The following ARHGAP35 variants were observed in gnomAD, a reference collection of about 807,000 sequenced individuals.
The protein encoded by ARHGAP35 is Rho GTPase activating protein 35.
In ARHGAP35, 15 loss-of-function variants were observed where a neutral mutation model predicts 111.1. The ratio of observed to expected loss-of-function variants is 0.13; its 90% CI spans 0.09 to 0.21. The LOEUF is 0.21. Among genes scored for constraint, ARHGAP35 ranks in the 10% least tolerant of loss-of-function variants. The pLI is 1.00. For missense variants in ARHGAP35, 1,262 were observed against 1,873.0 expected (o/e 0.67, Z 6.02); for synonymous variants, 643 against 710.3 (o/e 0.91, Z 1.51).
At chr19:46,865,071 T>G (rs761888941) in intron 1 of ARHGAP35, among the ~76,000 whole-genome samples, 2 of 152,236 alleles carry the variant, frequency 1.3e-5, no homozygotes, top group Non-Finnish European at 2.9e-5. Context: ...TTAAAGACTG[T>G]CAGATTTCTC....
Position 46,992,511 on chromosome 19 carries a change from G to A in ARHGAP35, c.4036+2836G>A, listed in dbSNP as rs117331528. ...TAGCCCACCCCCACCTTCAAGAGTC[G>A]CTCTTGCCTGGTTTCTCCCCGTCTC... On this transcript the variant is annotated intron_variant, in intron 5 of 6. Transcript: ENST00000672722. The surrounding 1 kb of genome is among the most constrained non-coding windows in gnomAD (Gnocchi z 4.4). Among the ~76,000 whole-genome samples the A allele has an allele frequency of 2.7e-3, 407 of 151,848 alleles. 3 individuals are homozygous for A. Among genetic ancestry groups the A allele is most frequent in the African/African-American group, 5.1e-3 (211 of 41,404 alleles).
At position 46,907,397 on chromosome 19, in the gene ARHGAP35, G is replaced by A. The variant is rs530920620; in HGVS notation, c.-188-11091G>A. 5.9e-5 allele frequency among the ~76,000 whole-genome samples: 9 copies of A among 151,916 alleles called. No homozygotes were observed. The South Asian group carries it at 8.3e-4, about 14-fold the overall frequency. ...GATCTCCTGACCTCGTGATCCGCCC[G>A]CCTCGGCCTCCCAGAGTGCTGGGAT... On this transcript the variant is annotated intron_variant, in intron 1 of 6. Transcript: ENST00000672722.
intron 1 of ARHGAP35, among the ~76,000 whole-genome samples, chr19:46,899,570 C>G (rs957811090): frequency 1.3e-5 from 2 of 151,980 alleles, no homozygotes; most frequent in African/African-American, 2.4e-5. Context: ...GTAGCACACC[C>G]ACACATCTAG....
chr19:47,001,784 G>A lies in ARHGAP35; in HGVS notation c.*1096G>A. The A allele has an allele frequency of 4.4e-6, 1 of 229,804 alleles. No homozygotes were observed. Among genetic ancestry groups the A allele is most frequent in the Non-Finnish European group, 8.7e-6 (1 of 115,196 alleles). The allele number at this position is 229,804 out of a possible 1,614,324, so 14.2% of individuals were successfully genotyped here. On this transcript the variant is annotated 3_prime_UTR_variant, in exon 7 of 7. Transcript: ENST00000672722. This position sits in a 1 kb window ranked among gnomAD's most constrained non-coding sequence, Gnocchi z 5.4. ...TGAGTGTGTGTGGGCGCTTGGTGGGGGGTTGGGGACAGCTGGAAGGTGCCA... is the reference window on the plus strand; with the variant it reads ...TGAGTGTGTGTGGGCGCTTGGTGGGAGGTTGGGGACAGCTGGAAGGTGCCA...
intron 3 of ARHGAP35, among the ~76,000 whole-genome samples, chr19:46,975,400 G>T (rs1341482294): frequency 6.6e-6 from 1 of 152,168 alleles, no homozygotes; most frequent in Non-Finnish European, 1.5e-5. Flanking sequence ...ACATCTGGAA[G>T]GAGCACCAGG....
intron 1 of ARHGAP35, among the ~76,000 whole-genome samples, chr19:46,895,188 G>C (rs1030700791): frequency 6.6e-6 from 1 of 150,484 alleles, no homozygotes; most frequent in East Asian, 1.9e-4. Context: ...TTTTGAGACG[G>C]AGTCTCGCTC....
At chr19:46,884,493 CTTT>C (rs923415995) in intron 1 of ARHGAP35, among the ~76,000 whole-genome samples, 5 of 111,930 alleles carry the variant, frequency 4.5e-5, no homozygotes, top group African/African-American at 1.7e-4. Flanking sequence ...TGATGATATC[CTTT>C]TTTTTTTTTT....
chr19:46,934,733 G>A (rs554066646), intron 2 of ARHGAP35, among the ~76,000 whole-genome samples: 1 of 151,940 alleles, frequency 6.6e-6, no homozygotes, highest in East Asian at 1.9e-4. Context: ...GCAGTGGCAC[G>A]ATCTCAGCTC....
At chr19:46,957,708 A>G (rs1278400362) in intron 3 of ARHGAP35, among the ~76,000 whole-genome samples, 7 of 152,190 alleles carry the variant, frequency 4.6e-5, no homozygotes, top group African/African-American at 1.4e-4. Context: ...CACAGTAACT[A>G]TTTTGGTACA....
At chr19:46,892,468 CAAAAAAAA>C (rs982546554) in intron 1 of ARHGAP35, among the ~76,000 whole-genome samples, 75 of 67,124 alleles carry the variant, frequency 1.1e-3, no homozygotes, top group African/African-American at 4.0e-3. Context: ...AACCCTGTCT[CAAAAAAAA>C]AAAAAAAAAA....
At chr19:46,966,584 T>C (rs1269678961) in intron 3 of ARHGAP35, among the ~76,000 whole-genome samples, 3 of 152,214 alleles carry the variant, frequency 2.0e-5, no homozygotes, top group African/African-American at 2.4e-5. Context: ...ATCTTTGTAA[T>C]GTATGGTCCT....
intron 1 of ARHGAP35, among the ~76,000 whole-genome samples, chr19:46,905,388 T>C (rs2122173473): frequency 7.1e-6 from 1 of 140,280 alleles, no homozygotes; most frequent in African/African-American, 2.7e-5. Flanking sequence ...TTTTTTTTTT[T>C]TTTAATAGAT....
intron 1 of ARHGAP35, among the ~76,000 whole-genome samples, chr19:46,875,785 G>A (rs549648075): frequency 2.6e-5 from 4 of 152,260 alleles, no homozygotes; most frequent in African/African-American, 7.2e-5. Flanking sequence ...CAAAGGCGGC[G>A]TGATGAAATT....
chr19:46,927,749 A>C (rs1335430351), intron 2 of ARHGAP35, among the ~76,000 whole-genome samples: 1 of 152,070 alleles, frequency 6.6e-6, no homozygotes, highest in Non-Finnish European at 1.5e-5. Flanking sequence ...TTTTGAGTTG[A>C]GGTAACTAAG....
rs112779250 is a variant in ARHGAP35, at chr19:46,864,306, G to A, written c.-189+3097G>A. ...TAGAGGTGGTTTTTACAGAAAATCT[G>A]TCCAACCATTTTCCTTCCTTAACTT... On this transcript the variant is annotated intron_variant, in intron 1 of 6. Transcript: ENST00000672722. 6.3e-3 allele frequency among the ~76,000 whole-genome samples: 953 copies of A among 152,304 alleles called. 6 individuals carry two copies. The highest frequency in any genetic ancestry group is 0.02 in the Middle Eastern group (6 of 294).
chr19:46,870,650 T>C (rs1206251792), intron 1 of ARHGAP35, among the ~76,000 whole-genome samples: 2 of 151,950 alleles, frequency 1.3e-5, no homozygotes, highest in South Asian at 2.1e-4. Context: ...CTTTGATAAA[T>C]GAGGAAGAAG....
chr19:46,904,774 A>AGCCC (rs775051974), intron 1 of ARHGAP35, among the ~76,000 whole-genome samples: 2 of 152,234 alleles, frequency 1.3e-5, no homozygotes, highest in Non-Finnish European at 2.9e-5. Flanking sequence ...TCCCTTCTCC[A>AGCCC]GCCCGGTCCT....
intron 2 of ARHGAP35, among the ~76,000 whole-genome samples, chr19:46,929,740 C>T (rs2056261194): frequency 6.7e-6 from 1 of 150,198 alleles, no homozygotes; most frequent in Admixed American, 6.7e-5. Context: ...ATGGAGAAAC[C>T]CCCTCTTTAC....
At position 46,861,147 on chromosome 19, in the gene ARHGAP35, C is replaced by A. The variant is rs2122842045; in HGVS notation, c.-251C>A. ...GACTAGGAGCAGGGGAACATGGCGC[C>A]GGGGCCCCCGTCGTTGCTGCCGGGA... On this transcript the variant is annotated 5_prime_UTR_variant, in exon 1 of 7. Coordinates refer to ENST00000672722, the MANE Select transcript of ARHGAP35 (RefSeq NM_004491.5). 6.6e-6 allele frequency among the ~76,000 whole-genome samples: 1 copy of A among 151,788 alleles called. No individual in the cohort carries two copies. The highest frequency in any genetic ancestry group is 2.1e-4 in the South Asian group (1 of 4,826).
Sources: gnomAD v4.1 joint callset for allele counts (sites outside exome capture counted in the v4.1 genomes callset) on GRCh38, gnomAD v4.1.1 for gene constraint, Gnocchi (gnomAD v3.1) non-coding constraint, MANE v1.5 for transcripts, NCBI Gene and HGNC (gene_info 2026-07-23, HGNC 2026-07-21) for gene names.